CDYL: variants seen among roughly 807,000 people sequenced by gnomAD.
The protein encoded by CDYL is chromodomain Y like.
In CDYL, 8 loss-of-function variants were observed where a neutral mutation model predicts 47.3. The ratio of observed to expected loss-of-function variants is 0.17; its 90% CI spans 0.10 to 0.31. The LOEUF (loss-of-function observed/expected upper bound fraction) is 0.31, where lower values mean the gene tolerates loss of function less well. CDYL is among the 10% of genes least tolerant of loss of function. CDYL has a pLI of 1.00. For missense variants in CDYL, 471 were observed against 701.4 expected (o/e 0.67, Z 3.71); for synonymous variants, 266 against 265.0 (o/e 1.00, Z -0.04).
At chr6:4,900,779 G>GTGTATA in intron 2 of CDYL, among the ~76,000 whole-genome samples, 4 of 51,716 alleles carry the variant, frequency 7.7e-5, no homozygotes, top group Admixed American at 2.0e-4. Context: ...GTATACGTGT[G>GTGTATA]TATATATATA....
rs549846356 is a variant in CDYL, at chr6:4,826,180, A to G, written c.24+49373A>G. 2.1e-3 allele frequency among the ~76,000 whole-genome samples: 326 copies of G among 152,374 alleles called. 1 individual carries two copies. Among genetic ancestry groups the G allele is most frequent in the African/African-American group, 7.6e-3 (318 of 41,594 alleles). On this transcript the variant is annotated intron_variant, in intron 1 of 6. Transcript: ENST00000397588. ...GTGTGTGCATATTTACCTTATGAGC[A>G]GGTGGTTTAGTATCCATTGATTCAA...
chr6:4,869,831 C>T (rs1416135912), intron 1 of CDYL, among the ~76,000 whole-genome samples: 1 of 152,036 alleles, frequency 6.6e-6, no homozygotes, highest in African/African-American at 2.4e-5. Flanking sequence ...AATGTTATGT[C>T]ATTTAAATAA....
At chr6:4,722,616 C>T (rs774801342) in intron 2 of CDYL, among the ~76,000 whole-genome samples, 3 of 152,118 alleles carry the variant, frequency 2.0e-5, no homozygotes, top group Non-Finnish European at 2.9e-5. Flanking sequence ...GTGGCTCATG[C>T]CTGTAATCCC....
chr6:4,832,600 T>G (rs910627320), intron 1 of CDYL, among the ~76,000 whole-genome samples: 2 of 150,848 alleles, frequency 1.3e-5, no homozygotes, highest in Non-Finnish European at 3.0e-5. Flanking sequence ...TAAAATGAGT[T>G]AGGGAGGATT....
chr6:4,895,175 GTATA>G (rs67205784), intron 2 of CDYL, among the ~76,000 whole-genome samples: 883 of 7,574 alleles, frequency 0.12, 311 homozygotes, highest in Middle Eastern at 1. Context: ...ATATGTGTAT[GTATA>G]TATGTGTATA....
In CDYL at chr6:4,737,422, G is replaced by A. The variant is rs186418370; in HGVS notation, c.186+2578G>A. Among the ~76,000 whole-genome samples the A allele has an allele frequency of 4.3e-3, 650 of 152,250 alleles. 3 individuals carry two copies. Among genetic ancestry groups the A allele is most frequent in the South Asian group, 0.013 (61 of 4,824 alleles). ...AATCCCAGCACTTTGGGAGGCTGAGGCGGGTGAATCACCTGAGGTCAGGAG... is the reference window on the plus strand; with the variant it reads ...AATCCCAGCACTTTGGGAGGCTGAGACGGGTGAATCACCTGAGGTCAGGAG... On this transcript the variant is annotated intron_variant, in intron 3 of 8. Transcript: ENST00000328908.
chr6:4,787,500 C>T (rs954661346), intron 1 of CDYL, among the ~76,000 whole-genome samples: 2 of 152,160 alleles, frequency 1.3e-5, no homozygotes, highest in African/African-American at 4.8e-5. Context: ...GCTGCAGTGA[C>T]TGTATAGAGT....
At chr6:4,953,064 C>T (rs968265327) in intron 6 of CDYL, among the ~76,000 whole-genome samples, 5 of 151,166 alleles carry the variant, frequency 3.3e-5, no homozygotes, top group East Asian at 2.0e-4. Context: ...CCACTGTGCC[C>T]GGCCTCCTAA....
chr6:4,864,900 A>G (rs1214059729), intron 1 of CDYL, among the ~76,000 whole-genome samples: 2 of 152,204 alleles, frequency 1.3e-5, no homozygotes, highest in Non-Finnish European at 2.9e-5. Context: ...GAAAATTACA[A>G]ATTATAGGAA....
chr6:4,833,406 G>A (rs1760203790), intron 1 of CDYL, among the ~76,000 whole-genome samples: 1 of 151,854 alleles, frequency 6.6e-6, no homozygotes, highest in Non-Finnish European at 1.5e-5. Context: ...TTAATCCTGA[G>A]TTCTAGTTTG....
chr6:4,845,108 T>C (rs899675673), intron 1 of CDYL, among the ~76,000 whole-genome samples: 3 of 152,240 alleles, frequency 2.0e-5, no homozygotes, highest in African/African-American at 4.8e-5. Context: ...CATTTTTGTC[T>C]GTCACTTGAT....
At chr6:4,723,720 G>A (rs1335234968) in intron 2 of CDYL, among the ~76,000 whole-genome samples, 6 of 152,202 alleles carry the variant, frequency 3.9e-5, no homozygotes, top group African/African-American at 9.7e-5. Flanking sequence ...CCACAGAGCA[G>A]GGCAGAGTGA....
At chr6:4,939,663 G>C (rs1758304822) in intron 4 of CDYL, among the ~76,000 whole-genome samples, 2 of 152,110 alleles carry the variant, frequency 1.3e-5, no homozygotes, top group Non-Finnish European at 2.9e-5. Flanking sequence ...GGACCATCTT[G>C]TTCTTCAGTT....
chr6:4,863,900 G>A (rs771405235), intron 1 of CDYL, among the ~76,000 whole-genome samples: 19 of 152,188 alleles, frequency 1.2e-4, no homozygotes, highest in African/African-American at 3.4e-4. Flanking sequence ...CTCAGGAGAC[G>A]AGAGAGGCCC....
chr6:4,911,546 A>C (rs1757416684), intron 2 of CDYL, among the ~76,000 whole-genome samples: 1 of 152,182 alleles, frequency 6.6e-6, no homozygotes, highest in Non-Finnish European at 1.5e-5. Flanking sequence ...TGTTTGCTAA[A>C]GGGGGTCCTT....
In CDYL at chr6:4,758,392, G is replaced by A. The variant is rs189351920; in HGVS notation, c.186+23548G>A. 9.0e-4 allele frequency among the ~76,000 whole-genome samples: 128 copies of A among 142,378 alleles called. 2 individuals carry two copies. In the East Asian group the frequency reaches 0.024, roughly 27 times the overall value. 93.4% of individuals were successfully genotyped at this position (142,378 alleles called of 152,430 possible). A position where few individuals can be genotyped will look rare whatever the true frequency, so the allele number is the denominator to read the frequency against. On this transcript the variant is annotated intron_variant, in intron 3 of 8. Coordinates refer to the CDYL transcript ENST00000328908. ...TATATCTCTTTGTGGCCAGCACGGT[G>A]GCTCACATCTGTAATCCCAGCACTT...
intron 1 of CDYL, among the ~76,000 whole-genome samples, chr6:4,792,958 C>T (rs915452773): frequency 2.0e-5 from 3 of 152,208 alleles, no homozygotes; most frequent in Non-Finnish European, 4.4e-5. Context: ...TTTGCCACCT[C>T]TGTCATAGAT....
chr6:4,950,974 T>G (rs953114739), intron 5 of CDYL, among the ~76,000 whole-genome samples: 5 of 150,906 alleles, frequency 3.3e-5, no homozygotes, highest in Non-Finnish European at 7.4e-5. Context: ...GAGGAGCCTG[T>G]CCCCAGCCCT....
chr6:4,775,794 C>T (rs1758422704), upstream of CDYL, among the ~76,000 whole-genome samples: 1 of 149,928 alleles, frequency 6.7e-6, no homozygotes, highest in Non-Finnish European at 1.5e-5. This position sits in a 1 kb window ranked among gnomAD's most constrained non-coding sequence, Gnocchi z 7.0. Context: ...GGGGTGGGTG[C>T]TCCACCTGGC....
Sources: gnomAD v4.1 joint callset for allele counts (sites outside exome capture counted in the v4.1 genomes callset) on GRCh38, gnomAD v4.1.1 for gene constraint, Gnocchi (gnomAD v3.1) non-coding constraint, MANE v1.5 for transcripts, NCBI Gene and HGNC (gene_info 2026-07-23, HGNC 2026-07-21) for gene names.